MDN1: variants seen among roughly 807,000 people sequenced by gnomAD.
MDN1 encodes midasin AAA ATPase 1, also known as midasin.
MDN1 carries 266 observed loss-of-function variants against 669.2 expected under a neutral mutation model. That is an observed-to-expected ratio of 0.40 (90% confidence interval 0.36 to 0.44). The LOEUF (loss-of-function observed/expected upper bound fraction) is 0.44. Among genes scored for constraint, MDN1 ranks in the 20% least tolerant of loss-of-function variants. The pLI, the probability that MDN1 is intolerant of heterozygous loss-of-function variation, is 1.00. For missense variants in MDN1, 5,940 were observed against 6,754.0 expected (o/e 0.88, Z 4.22); for synonymous variants, 2,385 against 2,457.1 (o/e 0.97, Z 0.87).
intron 11 of MDN1, among the ~76,000 whole-genome samples, chr6:89,779,980 C>T (rs527659972): frequency 5.3e-5 from 8 of 151,950 alleles, no homozygotes; most frequent in South Asian, 2.1e-4. Context: ...GCAAGAGAAT[C>T]GCTTGAACCC....
At chr6:89,773,596 A>T (rs1324607813) in intron 13 of MDN1, among the ~76,000 whole-genome samples, 4 of 151,946 alleles carry the variant, frequency 2.6e-5, no homozygotes, top group Non-Finnish European at 2.9e-5. Flanking sequence ...AAGAAGGGCC[A>T]CATGACAACA....
In MDN1 at chr6:89,803,402, T is replaced by C. The variant is rs763060906; in HGVS notation, c.255A>G (p.Gln85=). The C allele has an allele frequency of 5.6e-6, 9 of 1,614,126 alleles. 1 individual carries two copies. The highest frequency in any genetic ancestry group is 3.3e-4 in the Middle Eastern group (2 of 6,062). ...GCCGTTCATGCAGATCATGGTTGAT[T>C]TGGCCTCCAGCTTTAATGGCTTCGG... ...RNAEAIKAGG[Q]INHDLHERLC... Residue 85 remains glutamine, a synonymous_variant, in exon 2 of 102, where the codon CAA becomes CAG. Coordinates refer to ENST00000369393, the MANE Select transcript of MDN1 (RefSeq NM_014611.3).
At position 89,718,427 on chromosome 6, in the gene MDN1, T is replaced by A; in HGVS notation, c.6522A>T (p.Leu2174=). 1 of 1,614,180 alleles carries A rather than the reference T, an allele frequency of 6.2e-7. No individual in the cohort carries two copies. Among genetic ancestry groups the A allele is most frequent in the Non-Finnish European group, 8.5e-7 (1 of 1,180,020 alleles). Residue 2174 remains leucine, a synonymous_variant, in exon 43 of 102, where the codon CTA becomes CTT. Coordinates refer to ENST00000369393, the MANE Select transcript of MDN1 (RefSeq NM_014611.3). ...GCTGCATAAGCAATAACACTGCTTC[T>A]AGTTTGTTGACAATCTCCATCGTGA... ...KAITMEIVNK[L]EAVLLLMQRL...
At chr6:89,716,595 G>A (rs2128312751) in intron 44 of MDN1, 55 bp downstream of exon 44, 1 of 1,547,472 alleles carries the variant, frequency 6.5e-7, no homozygotes, top group East Asian at 2.3e-5. Flanking sequence ...TTTCTACTTT[G>A]ACAAGCATAT....
rs192055896 is a variant in MDN1 at position 89,661,064 on chromosome 6, C to A, written c.14713+367G>T. On this transcript the variant is annotated intron_variant, in intron 88 of 101. Transcript: ENST00000369393. ...CATCATTTCCCTAAAAAAGCTATAA[C>A]TGGACTCCACGACAGCTTGGTATAC... is the stretch of plus-strand genomic sequence containing the variant. Among the ~76,000 whole-genome samples the A allele has an allele frequency of 6.3e-4, 96 of 152,298 alleles. No homozygotes were observed. The Middle Eastern group carries it at 0.01, about 16-fold the overall frequency.
At chr6:89,809,188 G>A (rs1768208373) in intron 1 of MDN1, among the ~76,000 whole-genome samples, 1 of 130,296 alleles carries the variant, frequency 7.7e-6, no homozygotes, top group African/African-American at 3.0e-5. Context: ...CTGCACTCCA[G>A]CCTGGGTGAC....
At chr6:89,652,390 G>T (rs1384723338) in intron 94 of MDN1, 109 bp from the exon 95 acceptor site, 4 of 781,436 alleles carry the variant, frequency 5.1e-6, no homozygotes, top group Non-Finnish European at 6.4e-6. Flanking sequence ...ATAGTCAAAT[G>T]CTCCTGAGAT....
intron 33 of MDN1, among the ~76,000 whole-genome samples, chr6:89,735,436 T>G (rs569118297): frequency 6.6e-5 from 10 of 150,444 alleles, no homozygotes; most frequent in African/African-American, 2.4e-4. Flanking sequence ...TGCAATGGTA[T>G]AATCATAGTT....
intron 44 of MDN1, 120 bp from the exon 45 acceptor site, chr6:89,715,889 C>T (rs1814337628): frequency 2.1e-5 from 15 of 720,446 alleles, no homozygotes; most frequent in South Asian, 2.0e-4. Context: ...AATCATTCAC[C>T]CAGATACAAC....
intron 62 of MDN1, 141 bp from the exon 63 acceptor site, chr6:89,693,289 A>C: frequency 3.2e-6 from 2 of 624,454 alleles, no homozygotes; most frequent in Non-Finnish European, 5.5e-6. Flanking sequence ...AGTTGTGATA[A>C]TACTGACAAT....
At chr6:89,812,277 C>T (rs1320319175) in intron 1 of MDN1, among the ~76,000 whole-genome samples, 3 of 152,106 alleles carry the variant, frequency 2.0e-5, no homozygotes, top group African/African-American at 7.2e-5. Flanking sequence ...AGCCACCGCG[C>T]CCAGCCAAGA....
chr6:89,654,134 G>A (rs746653680), intron 93 of MDN1, 30 bp downstream of exon 93: 2 of 1,612,698 alleles, frequency 1.2e-6, no homozygotes, highest in South Asian at 2.2e-5. Context: ...CAGAGCGCCT[G>A]GGAAGGGTTT....
chr6:89,701,439 G>A (rs1221753532), intron 55 of MDN1, 119 bp downstream of exon 55: 2 of 1,328,620 alleles, frequency 1.5e-6, no homozygotes, highest in African/African-American at 1.5e-5. Flanking sequence ...AAGGAAAACT[G>A]CAAGAGTTAT....
At chr6:89,751,303 G>GT in intron 23 of MDN1, 128 bp downstream of exon 23, 1 of 1,215,214 alleles carries the variant, frequency 8.2e-7, no homozygotes, top group Non-Finnish European at 1.1e-6. Flanking sequence ...ACTGACTTTT[G>GT]TAAGTAATTG....
At chr6:89,741,336 T>TA (rs935000402) in intron 31 of MDN1, among the ~76,000 whole-genome samples, 48 of 151,128 alleles carry the variant, frequency 3.2e-4, no homozygotes, top group African/African-American at 9.0e-4. Context: ...GTTATGACAG[T>TA]AAAAAAAAAC....
intron 1 of MDN1, among the ~76,000 whole-genome samples, chr6:89,817,339 G>A (rs1388890142): frequency 6.6e-6 from 1 of 152,072 alleles, no homozygotes; most frequent in African/African-American, 2.4e-5. Context: ...TCACAATTTG[G>A]GAGTACCTTA....
At chr6:89,723,477 GA>G (rs760273382) in intron 39 of MDN1, 34 bp downstream of exon 39, 128 of 1,234,188 alleles carry the variant, frequency 1.0e-4, no homozygotes, top group Admixed American at 2.7e-4. Context: ...AATACAGCCA[GA>G]AAAAAAAAGA....
intron 44 of MDN1, among the ~76,000 whole-genome samples, 170 bp downstream of exon 44, chr6:89,716,480 G>A (rs969710228): frequency 6.6e-6 from 1 of 152,214 alleles, no homozygotes; most frequent in East Asian, 1.9e-4. Flanking sequence ...GTCTGATGAC[G>A]AATTACCACT....
At chr6:89,678,575 T>C (rs757100026) in intron 75 of MDN1, 24 bp downstream of exon 75, 27 of 1,608,914 alleles carry the variant, frequency 1.7e-5, no homozygotes, top group South Asian at 4.4e-5. Flanking sequence ...CTACATTTCA[T>C]TGGGTTTCAA....
Sources: allele counts gnomAD v4.1 joint callset (sites outside exome capture counted in the v4.1 genomes callset), GRCh38; gene constraint gnomAD v4.1.1; transcripts MANE v1.5; gene names NCBI Gene and HGNC (gene_info 2026-07-23, HGNC 2026-07-21).